Variants in NFAT5 observed in about 807,000 individuals in gnomAD.
NFAT5 encodes nuclear factor of activated T-cells 5.
Under a neutral mutation model 166.5 loss-of-function variants are expected in NFAT5, and 31 were observed. The observed-to-expected ratio is 0.19, with a 90% CI of 0.14 to 0.25. The LOEUF is 0.25. Among genes scored for constraint, NFAT5 ranks in the 10% least tolerant of loss-of-function variants. The pLI is 1.00. For synonymous variants in NFAT5, 612 were observed against 639.7 expected, an observed-to-expected ratio of 0.96 and a Z score of 0.65; for missense variants, 1,449 against 1,821.8, an observed-to-expected ratio of 0.80 and a Z score of 3.72.
chr16:69,694,199 T>C lies in NFAT5; in HGVS notation c.4374T>C (p.Ser1458=), dbSNP rs762800467. 1 of 1,613,986 alleles carries C rather than the reference T, an allele frequency of 6.2e-7. No individual in the cohort carries two copies. The highest frequency in any genetic ancestry group is 1.3e-5 in the African/African-American group (1 of 75,034). The change falls in exon 13 of 15, where the codon TCT becomes TCC. Residue 1458 remains serine (S), a synonymous_variant. Coordinates refer to ENST00000349945, the MANE Select transcript of NFAT5 (RefSeq NM_138713.4). ...MNQLQNSPGS[S]QQTSGMFLFG... Reference sequence around the variant, plus strand: ...AACTGCAGAATTCTCCTGGCTCATCTCAGCAGACATCAGGAATGTTCTTAT... The same window carrying C: ...AACTGCAGAATTCTCCTGGCTCATCCCAGCAGACATCAGGAATGTTCTTAT...
chr16:69,581,919 T>G (rs2031723636), intron 2 of NFAT5, among the ~76,000 whole-genome samples: 1 of 152,240 alleles, frequency 6.6e-6, no homozygotes, highest in Non-Finnish European at 1.5e-5. Flanking sequence ...ATTTTCTTAG[T>G]GATTTTCAAG....
intron 2 of NFAT5, among the ~76,000 whole-genome samples, chr16:69,605,255 C>T (rs2033343440): frequency 6.6e-6 from 1 of 152,148 alleles, no homozygotes; most frequent in African/African-American, 2.4e-5. Context: ...GCCTGGCCAA[C>T]ATGGTGAAAC....
chr16:69,644,574 T>C (rs1361897247), intron 3 of NFAT5, among the ~76,000 whole-genome samples: 2 of 152,178 alleles, frequency 1.3e-5, no homozygotes, highest in South Asian at 2.1e-4. Flanking sequence ...GATATCACAG[T>C]TTGGCATACT....
At chr16:69,569,585 T>C (rs1039629856) in intron 2 of NFAT5, among the ~76,000 whole-genome samples, 4 of 152,222 alleles carry the variant, frequency 2.6e-5, no homozygotes, top group Non-Finnish European at 5.9e-5. Flanking sequence ...TTATTAGTTC[T>C]GTGACTTCGG....
rs2037809669 is a variant in NFAT5 at position 69,697,840 on chromosome 16, C to G, written c.*1489C>G. On this transcript the variant is annotated 3_prime_UTR_variant, in exon 15 of 15. Coordinates refer to ENST00000349945, the MANE Select transcript of NFAT5 (RefSeq NM_138713.4). ...TGTAAGGCCAACGTGTGTGTGGCTT[C>G]TATGTGTTGAGATAATGTTTTGGTA... 1 of 151,740 alleles carries G rather than the reference C, an allele frequency of 6.6e-6. No individual in the cohort carries two copies. The highest frequency in any genetic ancestry group is 1.5e-5 in the Non-Finnish European group (1 of 67,910). The allele number at this position is 151,740 out of a possible 1,614,324, so 9.4% of individuals were successfully genotyped here. A position where few individuals can be genotyped will look rare whatever the true frequency, so the allele number is the denominator to read the frequency against.
rs2037891402 is a variant in NFAT5, at chr16:69,701,157, C to G, written c.*4806C>G. 6.6e-6 allele frequency: 1 copy of G among 151,982 alleles called. No homozygotes were observed. Among genetic ancestry groups the G allele is most frequent in the African/African-American group, 2.4e-5 (1 of 41,370 alleles). 9.4% of individuals were successfully genotyped at this position (151,982 alleles called of 1,614,324 possible). On this transcript the variant is annotated 3_prime_UTR_variant, in exon 15 of 15. Coordinates refer to ENST00000349945, the MANE Select transcript of NFAT5 (RefSeq NM_138713.4). ...TAGAGATGGGGTTTTGCCATGTTGG[C>G]CAGGCTGGTTTCGAACTCCTAACCT...
At chr16:69,667,187 G>T (rs1280244221) in intron 7 of NFAT5, among the ~76,000 whole-genome samples, 1 of 115,948 alleles carries the variant, frequency 8.6e-6, no homozygotes, top group Non-Finnish European at 1.7e-5. Context: ...TGGGGGGAGG[G>T]GGGAGGGATA....
Position 69,569,235 on chromosome 16 carries a change from CT to C in NFAT5, c.127+690del, listed in dbSNP as rs1318360568. 3.6e-3 allele frequency among the ~76,000 whole-genome samples: 539 copies of C among 151,060 alleles called. 3 individuals are homozygous for C. Among genetic ancestry groups the C allele is most frequent in the African/African-American group, 0.012 (512 of 41,142 alleles). On this transcript the variant is annotated intron_variant, in intron 2 of 14. Transcript: ENST00000349945. Reference sequence around the variant, plus strand: ...TTTGAAGTGATTTCACATATATCATCTTTAAATCTTTATAATTTTGGAATTG... The same window carrying C: ...TTTGAAGTGATTTCACATATATCATCTTAAATCTTTATAATTTTGGAATTG...
Position 69,703,389 on chromosome 16 carries a change from T to A in NFAT5, c.*7038T>A, listed in dbSNP as rs1297259809. 1 of 152,638 alleles carries A rather than the reference T, an allele frequency of 6.6e-6. No homozygotes were observed. Among genetic ancestry groups the A allele is most frequent in the Non-Finnish European group, 1.5e-5 (1 of 68,032 alleles). The allele number at this position is 152,638 out of a possible 1,614,324, so 9.5% of individuals were successfully genotyped here. On this transcript the variant is annotated 3_prime_UTR_variant, in exon 15 of 15. Transcript: ENST00000349945. ...CTAAAATAAATAATAAACAAGATAA[T>A]GCATTATACAATTTGGGCATTTCTC...
intron 10 of NFAT5, among the ~76,000 whole-genome samples, chr16:69,678,557 C>G (rs1160153461): frequency 6.6e-6 from 1 of 152,136 alleles, no homozygotes; most frequent in Non-Finnish European, 1.5e-5. Context: ...TGAAGTGTCT[C>G]ACAAGTTATT....
intron 2 of NFAT5, among the ~76,000 whole-genome samples, chr16:69,612,813 T>C (rs2033763351): frequency 6.6e-6 from 1 of 151,224 alleles, no homozygotes; most frequent in African/African-American, 2.4e-5. Context: ...AGCTTGAGGC[T>C]GCAGTGAGCT....
chr16:69,568,393 T>TAC (rs1282871753), intron 1 of NFAT5, 102 bp from the exon 2 acceptor site: 226 of 501,796 alleles, frequency 4.5e-4, no homozygotes, highest in Admixed American at 9.2e-4. Context: ...TATATATATA[T>TAC]ACACACACAC....
chr16:69,573,331 T>A (rs1289964569), intron 2 of NFAT5, among the ~76,000 whole-genome samples: 1 of 152,192 alleles, frequency 6.6e-6, no homozygotes, highest in Non-Finnish European at 1.5e-5. Flanking sequence ...TAGCAATGTT[T>A]TATTGACTTT....
intron 2 of NFAT5, among the ~76,000 whole-genome samples, chr16:69,616,842 C>T (rs1036588990): frequency 5.3e-5 from 8 of 152,016 alleles, no homozygotes; most frequent in African/African-American, 1.7e-4. Flanking sequence ...CAGGCCTCCC[C>T]CTATTCTCTA....
Position 69,647,824 on chromosome 16 carries a change from A to G in NFAT5, c.812+238A>G, listed in dbSNP as rs1163907335. On this transcript the variant is annotated intron_variant, in intron 4 of 14. Transcript: ENST00000349945. The surrounding 1 kb of genome is among the most constrained non-coding windows in gnomAD (Gnocchi z 4.8). ...TATTATCAGTATAGTTAGGTAGTAG[A>G]AAATGAAAATAATCTGTTCTGAAAT... Among the ~76,000 whole-genome samples the G allele has an allele frequency of 6.6e-6, 1 of 152,130 alleles. No homozygotes were observed. The highest frequency in any genetic ancestry group is 1.9e-4 in the East Asian group (1 of 5,192).
At chr16:69,609,450 A>G (rs17297207) in intron 2 of NFAT5, among the ~76,000 whole-genome samples, 8,951 of 152,268 alleles carry the variant, frequency 0.059, 289 homozygotes, top group Middle Eastern at 0.11. Context: ...AAATTCTGGT[A>G]TTCCCTGTTG....
chr16:69,643,317 T>A (rs953882402), intron 3 of NFAT5, among the ~76,000 whole-genome samples: 2 of 152,118 alleles, frequency 1.3e-5, no homozygotes, highest in Non-Finnish European at 2.9e-5. Flanking sequence ...TATTTAGTGA[T>A]ACAGTGGTAT....
chr16:69,628,435 A>G (rs2034562280), intron 3 of NFAT5, among the ~76,000 whole-genome samples: 1 of 152,156 alleles, frequency 6.6e-6, no homozygotes, highest in Admixed American at 6.6e-5. Context: ...TCACACACAG[A>G]AAGTTTATAT....
Position 69,700,382 on chromosome 16 carries a change from A to G in NFAT5, c.*4031A>G, listed in dbSNP as rs1468640664. ...GTATCTGAGTCCCTCCAGAACTAAG[A>G]TAATTCTTTTTGACCATTTAAGCCT... is the stretch of plus-strand genomic sequence containing the variant. On this transcript the variant is annotated 3_prime_UTR_variant, in exon 15 of 15. Transcript: ENST00000349945. The G allele has an allele frequency of 3.9e-5, 6 of 152,246 alleles. No individual in the cohort carries two copies. The highest frequency in any genetic ancestry group is 1.4e-4 in the African/African-American group (6 of 41,474). 9.4% of individuals were successfully genotyped at this position (152,246 alleles called of 1,614,324 possible).
Sources: allele counts gnomAD v4.1 joint callset (sites outside exome capture counted in the v4.1 genomes callset), GRCh38; gene constraint gnomAD v4.1.1; non-coding constraint Gnocchi (gnomAD v3.1); transcripts MANE v1.5; gene names NCBI Gene and HGNC (gene_info 2026-07-23, HGNC 2026-07-21).